CEP19: variants seen among roughly 807,000 people sequenced by gnomAD.
The protein encoded by CEP19 is centrosomal protein 19, also known as centrosomal protein of 19 kDa.
A neutral mutation model predicts 17.5 loss-of-function variants in CEP19; 14 were observed. The observed-to-expected ratio is 0.80, with a 90% CI of 0.53 to 1.25. CEP19 has a LOEUF of 1.25. Ranked by LOEUF, CEP19 falls within the 50% of genes most tolerant of loss-of-function variation. The pLI, the probability that CEP19 is intolerant of heterozygous loss-of-function variation, is 0.00. For synonymous variants in CEP19, 59 were observed against 65.5 expected, an observed-to-expected ratio of 0.90 and a Z score of 0.48; for missense variants, 193 against 192.0, an observed-to-expected ratio of 1.01 and a Z score of -0.03.
chr3:196,708,160 G>A (rs1711596563), intron 2 of CEP19, among the ~76,000 whole-genome samples: 1 of 152,158 alleles, frequency 6.6e-6, no homozygotes, highest in African/African-American at 2.4e-5. Flanking sequence ...AAATCACTTT[G>A]TAGAGATATT....
intron 1 of CEP19, among the ~76,000 whole-genome samples, chr3:196,710,157 T>C (rs1430008455): frequency 1.3e-5 from 2 of 152,222 alleles, no homozygotes; most frequent in Admixed American, 6.5e-5. Flanking sequence ...CAATGTAACA[T>C]TTTATATGAC....
intron 1 of CEP19, among the ~76,000 whole-genome samples, chr3:196,711,457 C>G (rs1344760462): frequency 1.3e-5 from 2 of 152,152 alleles, no homozygotes; most frequent in African/African-American, 4.8e-5. Context: ...TCCCGAGTAG[C>G]TGGAATTACA....
At position 196,707,254 on chromosome 3, in the gene CEP19, C is replaced by G. The variant is rs1197426788; in HGVS notation, c.*297G>C. ...CCATGTTGGCTAGGCTGGTCTCGAA[C>G]TCCTGACCTTAGGTGATCCACCCGC... On this transcript the variant is annotated 3_prime_UTR_variant, in exon 3 of 3. Transcript: ENST00000409690. 3.6e-6 allele frequency: 1 copy of G among 280,694 alleles called. No homozygotes were observed. Among genetic ancestry groups the G allele is most frequent in the African/African-American group, 2.2e-5 (1 of 44,904 alleles). The allele number at this position is 280,694 out of a possible 1,614,324, so 17.4% of individuals were successfully genotyped here. A position where few individuals can be genotyped will look rare whatever the true frequency, so the allele number is the denominator to read the frequency against.
At position 196,707,155 on chromosome 3, in the gene CEP19, T is replaced by TAG. The variant is rs1711549817; in HGVS notation, c.*395_*396insCT. 6.3e-6 allele frequency: 1 copy of TAG among 159,164 alleles called. No individual in the cohort carries two copies. Among genetic ancestry groups the TAG allele is most frequent in the South Asian group, 1.8e-4 (1 of 5,494 alleles). The allele number at this position is 159,164 out of a possible 1,614,324, so 9.9% of individuals were successfully genotyped here. On this transcript the variant is annotated 3_prime_UTR_variant, in exon 3 of 3. Coordinates refer to ENST00000409690, the MANE Select transcript of CEP19 (RefSeq NM_032898.5). ...AAGCGAATCTCCTGCCTCAGCCTCC[T>TAG]GAGTAGCCGGGATTACAGGCACCCG...
intron 1 of CEP19, among the ~76,000 whole-genome samples, chr3:196,711,189 T>G (rs1711756674): frequency 6.6e-6 from 1 of 152,096 alleles, no homozygotes; most frequent in Admixed American, 6.6e-5. Flanking sequence ...ATAAAATAAT[T>G]CTATGAGGCT....
rs1711602528 is a variant in CEP19, at chr3:196,708,404, A to G, written c.130+124T>C. Reference sequence around the variant, plus strand: ...TACAATTCCCTTTTATAGATTAGGAAACTGAAGCTCACTGAGAGTAAGTAA... The same window carrying G: ...TACAATTCCCTTTTATAGATTAGGAGACTGAAGCTCACTGAGAGTAAGTAA... On this transcript the variant is annotated intron_variant, in intron 2 of 2. Coordinates refer to ENST00000409690, the MANE Select transcript of CEP19 (RefSeq NM_032898.5). 4.7e-6 allele frequency: 4 copies of G among 855,330 alleles called. No homozygotes were observed. The South Asian group carries it at 5.2e-5, about 11-fold the overall frequency. 53.0% of individuals were successfully genotyped at this position (855,330 alleles called of 1,614,324 possible). A position where few individuals can be genotyped will look rare whatever the true frequency, so the allele number is the denominator to read the frequency against.
chr3:196,707,601 C>T lies in CEP19; in HGVS notation c.442G>A (p.Asp148Asn), dbSNP rs752192357. The change falls in exon 3 of 3, where the codon GAT becomes AAT. Residue 148 changes from aspartate (D) to asparagine (N), a missense_variant. Transcript: ENST00000409690. ...YDIEVEFPQDDQLQSCGWDTE... is the reference protein window; with the variant it reads ...YDIEVEFPQDNQLQSCGWDTE... The stretch of plus-strand genomic sequence containing the variant: ...TCCCAGCCACAGGACTGCAGTTGAT[C>T]GTCCTGTGGAAATTCAACCTCAATG... 6 of 1,613,020 alleles carry T rather than the reference C, an allele frequency of 3.7e-6. No homozygotes were observed. Among genetic ancestry groups the T allele is most frequent in the South Asian group, 3.3e-5 (3 of 91,036 alleles).
At position 196,708,704 on chromosome 3, in the gene CEP19, T is replaced by C. The variant is rs543581961; in HGVS notation, c.-47A>G. On this transcript the variant is annotated 5_prime_UTR_variant, in exon 2 of 3. Transcript: ENST00000409690. Reference sequence around the variant, plus strand: ...AGTCAGAGGAAATCTGATGAATATGTGTAAGTTGCATAATGACTTCCTGCT... The same window carrying C: ...AGTCAGAGGAAATCTGATGAATATGCGTAAGTTGCATAATGACTTCCTGCT... The C allele has an allele frequency of 6.3e-7, 1 of 1,594,900 alleles. No individual in the cohort carries two copies. Among genetic ancestry groups the C allele is most frequent in the Non-Finnish European group, 8.6e-7 (1 of 1,166,750 alleles).
intron 1 of CEP19, among the ~76,000 whole-genome samples, chr3:196,709,314 T>C (rs551333504): frequency 1.3e-5 from 2 of 152,316 alleles, no homozygotes; most frequent in African/African-American, 4.8e-5. Context: ...CCTTTGTACT[T>C]TCCCAATTAT....
intron 2 of CEP19, 26 bp downstream of exon 2, chr3:196,708,502 A>C: frequency 6.2e-7 from 1 of 1,610,876 alleles, no homozygotes; most frequent in East Asian, 2.2e-5. Context: ...TATTTAAGAC[A>C]GGAGGCAAGA....
Position 196,711,995 on chromosome 3 carries a change from C to T in CEP19, c.-137G>A. The T allele has an allele frequency of 1.4e-6, 1 of 717,338 alleles. No homozygotes were observed. The highest frequency in any genetic ancestry group is 2.6e-6 in the Non-Finnish European group (1 of 385,040). 44.4% of individuals were successfully genotyped at this position (717,338 alleles called of 1,614,324 possible). A position where few individuals can be genotyped will look rare whatever the true frequency, so the allele number is the denominator to read the frequency against. ...TCTAAACAACCAGGAGTGGGTTTTT[C>T]CACCCAACCGCAGTGCACGCAAAGC... On this transcript the variant is annotated 5_prime_UTR_variant, in exon 1 of 3. Coordinates refer to ENST00000409690, the MANE Select transcript of CEP19 (RefSeq NM_032898.5).
intron 1 of CEP19, among the ~76,000 whole-genome samples, chr3:196,709,300 G>A (rs572142933): frequency 2.6e-5 from 4 of 152,124 alleles, no homozygotes; most frequent in Admixed American, 6.6e-5. Flanking sequence ...ATCCAGAACT[G>A]TCTCCTTTGT....
chr3:196,708,936 T>C (rs546522618), intron 1 of CEP19: 10 of 357,762 alleles, frequency 2.8e-5, no homozygotes, highest in African/African-American at 1.5e-4. Flanking sequence ...ATCATTCCAA[T>C]TGTGGGGTAT....
intron 1 of CEP19, among the ~76,000 whole-genome samples, chr3:196,709,783 T>G (rs1711678680): frequency 6.6e-6 from 1 of 152,234 alleles, no homozygotes; most frequent in Admixed American, 6.5e-5. Flanking sequence ...AAGAATACAC[T>G]TAACCCTAAG....
rs774728749 is a variant in CEP19 at position 196,707,753 on chromosome 3, G to C, written c.290C>G (p.Thr97Arg). ...AETMEQIQRE[T>R]TIDPEEDLNK... ...CAGGTCTTCCTCAGGATCAATGGTT[G>C]TTTCCCGTTGAATTTGTTCCATTGT... is the stretch of plus-strand genomic sequence containing the variant. Residue 97 changes from threonine (T) to arginine (R), a missense_variant, in exon 3 of 3, where the codon ACA becomes AGA. By Grantham distance (71) the Thr-to-Arg change is moderately conservative. Coordinates refer to ENST00000409690, the MANE Select transcript of CEP19 (RefSeq NM_032898.5). 6.2e-7 allele frequency: 1 copy of C among 1,614,126 alleles called. No homozygotes were observed. Among genetic ancestry groups the C allele is most frequent in the East Asian group, 2.2e-5 (1 of 44,888 alleles).
At chr3:196,711,039 T>G (rs147336501) in intron 1 of CEP19, among the ~76,000 whole-genome samples, 37 of 150,210 alleles carry the variant, frequency 2.5e-4, no homozygotes, top group Admixed American at 6.6e-4. Flanking sequence ...GGGGCACATA[T>G]AAACTCCACA....
At chr3:196,711,801 CCA>C in intron 1 of CEP19, 126 bp downstream of exon 1, 2 of 688,888 alleles carry the variant, frequency 2.9e-6, no homozygotes, top group Non-Finnish European at 5.4e-6. Context: ...ACTCCTCTCC[CCA>C]GAGATCAGTA....
chr3:196,707,569 C>A lies in CEP19; in HGVS notation c.474G>T (p.Glu158Asp), dbSNP rs1355388632. 1.2e-6 allele frequency: 2 copies of A among 1,610,026 alleles called. No homozygotes were observed. Among genetic ancestry groups the A allele is most frequent in the Non-Finnish European group, 1.7e-6 (2 of 1,178,444 alleles). Residue 158 changes from glutamate (E) to aspartate (D), a missense_variant, in exon 3 of 3, where the codon GAG becomes GAT. Glu to Asp is a conservative substitution (Grantham distance 45, BLOSUM62 2). Coordinates refer to ENST00000409690, the MANE Select transcript of CEP19 (RefSeq NM_032898.5). ...DQLQSCGWDT[E>D]SADEF The stretch of plus-strand genomic sequence containing the variant: ...TTTGGTATCAGAACTCATCAGCTGA[C>A]TCTGTGTCCCAGCCACAGGACTGCA...
In CEP19 at chr3:196,712,168, G is replaced by A; in HGVS notation, c.-310C>T. 1 of 574,166 alleles carries A rather than the reference G, an allele frequency of 1.7e-6. No individual in the cohort carries two copies. The highest frequency in any genetic ancestry group is 3.1e-6 in the Non-Finnish European group (1 of 319,182). 35.6% of individuals were successfully genotyped at this position (574,166 alleles called of 1,614,324 possible). On this transcript the variant is annotated 5_prime_UTR_variant, in exon 1 of 3. Transcript: ENST00000409690. ...GAAGCGGAGGTGGGGGCCGGCTGGGGGACCGGTCCACCGGCTCCCACCTCG... is the reference window on the plus strand; with the variant it reads ...GAAGCGGAGGTGGGGGCCGGCTGGGAGACCGGTCCACCGGCTCCCACCTCG...
Sources: gnomAD v4.1 joint callset for allele counts (sites outside exome capture counted in the v4.1 genomes callset) on GRCh38, gnomAD v4.1.1 for gene constraint, MANE v1.5 for transcripts, NCBI Gene and HGNC (gene_info 2026-07-23, HGNC 2026-07-21) for gene names.